EPHA7: variants seen among roughly 807,000 people sequenced by gnomAD.
EPHA7 encodes ephrin type-A receptor 7.
Under a neutral mutation model 112.6 loss-of-function variants are expected in EPHA7, and 25 were observed. That is an observed-to-expected ratio of 0.22 (90% CI 0.16 to 0.31). The LOEUF (loss-of-function observed/expected upper bound fraction) is 0.31. Among genes scored for constraint, EPHA7 ranks in the 10% least tolerant of loss-of-function variants. The pLI, the probability that EPHA7 is intolerant of heterozygous loss-of-function variation, is 1.00. For missense variants in EPHA7, 962 were observed against 1,212.6 expected (o/e 0.79, Z 3.07); for synonymous variants, 437 against 406.5 (o/e 1.07, Z -0.90).
rs944251248 is a variant in EPHA7, at chr6:93,375,562, G to T, written c.833-17151C>A. On this transcript the variant is annotated intron_variant, in intron 3 of 16. Transcript: ENST00000369303. Reference sequence around the variant, plus strand: ...AGGCCTGGGACACAGAAGTTACAGTGAGCCTAGCAGAGAGACCTTGACTCA... The same window carrying T: ...AGGCCTGGGACACAGAAGTTACAGTTAGCCTAGCAGAGAGACCTTGACTCA... 5.3e-5 allele frequency among the ~76,000 whole-genome samples: 8 copies of T among 151,116 alleles called. No individual in the cohort carries two copies. The South Asian group carries it at 6.3e-4, about 12-fold the overall frequency.
At chr6:93,306,449 G>A (rs1483522293) in intron 5 of EPHA7, among the ~76,000 whole-genome samples, 1 of 151,932 alleles carries the variant, frequency 6.6e-6, no homozygotes, top group African/African-American at 2.4e-5. Flanking sequence ...TTTTGAACTA[G>A]CCAATCCCAC....
chr6:93,365,493 C>G (rs1776462958), intron 3 of EPHA7, among the ~76,000 whole-genome samples: 1 of 152,168 alleles, frequency 6.6e-6, no homozygotes, highest in African/African-American at 2.4e-5. Context: ...AGAAATAGTA[C>G]TCCCACTGCT....
At chr6:93,283,447 T>C (rs923766730) in intron 5 of EPHA7, among the ~76,000 whole-genome samples, 13 of 152,038 alleles carry the variant, frequency 8.6e-5, no homozygotes, top group Admixed American at 3.9e-4. Flanking sequence ...TTTTCACTCT[T>C]TGTGATAAAT....
intron 5 of EPHA7, among the ~76,000 whole-genome samples, chr6:93,302,135 T>C (rs1476062712): frequency 6.6e-6 from 1 of 152,138 alleles, no homozygotes; most frequent in Admixed American, 6.6e-5. Context: ...AACTACTTCT[T>C]CACTTCCATA....
chr6:93,269,255 C>A (rs940072717), intron 7 of EPHA7, among the ~76,000 whole-genome samples: 2 of 151,384 alleles, frequency 1.3e-5, no homozygotes, highest in Admixed American at 6.6e-5. Flanking sequence ...ATCTTGTATG[C>A]GTTAAAGAAA....
Position 93,410,202 on chromosome 6 carries a change from A to G in EPHA7, c.832+299T>C. ...GTCTTGCCAGGCTATATGTCCAACTACCCAGACTCCTCTCTAAACTCCATA... is the reference window on the plus strand; with the variant it reads ...GTCTTGCCAGGCTATATGTCCAACTGCCCAGACTCCTCTCTAAACTCCATA... On this transcript the variant is annotated intron_variant, in intron 3 of 16. Transcript: ENST00000369303. This position sits in a 1 kb window ranked among gnomAD's most constrained non-coding sequence, Gnocchi z 4.0. 3.4e-6 allele frequency: 1 copy of G among 294,428 alleles called. No individual in the cohort carries two copies. The highest frequency in any genetic ancestry group is 6.4e-6 in the Non-Finnish European group (1 of 156,288). The allele number at this position is 294,428 out of a possible 1,614,324, so 18.2% of individuals were successfully genotyped here. A position where few individuals can be genotyped will look rare whatever the true frequency, so the allele number is the denominator to read the frequency against.
chr6:93,359,864 GAGAGAGAGAGAGATAGAT>G (rs1474550513), intron 3 of EPHA7, among the ~76,000 whole-genome samples: 13 of 109,898 alleles, frequency 1.2e-4, no homozygotes, highest in Non-Finnish European at 1.8e-4. Flanking sequence ...TAGAGAGAGA[GAGAGAGAGAGAGATAGAT>G]AGATAGATAG....
At chr6:93,356,635 G>GA in intron 5 of EPHA7, 82 bp downstream of exon 5, 1 of 1,292,428 alleles carries the variant, frequency 7.7e-7, no homozygotes, top group Non-Finnish European at 1.1e-6. Flanking sequence ...TCTGTGCAGA[G>GA]AAACTAACTA....
intron 5 of EPHA7, among the ~76,000 whole-genome samples, chr6:93,279,347 T>C (rs2127894155): frequency 6.6e-6 from 1 of 152,304 alleles, no homozygotes; most frequent in South Asian, 2.1e-4. Flanking sequence ...CCATTATACA[T>C]ATGCACCATG....
intron 5 of EPHA7, among the ~76,000 whole-genome samples, chr6:93,332,776 A>G (rs1199552827): frequency 6.6e-6 from 1 of 151,774 alleles, no homozygotes; most frequent in African/African-American, 2.4e-5. Context: ...GCAGATTTAA[A>G]GCAATTAACT....
intron 5 of EPHA7, among the ~76,000 whole-genome samples, chr6:93,332,201 G>A (rs1439956881): frequency 1.3e-5 from 2 of 151,578 alleles, no homozygotes; most frequent in African/African-American, 2.4e-5. Flanking sequence ...GTGTAGTACA[G>A]TGGAGCTCAG....
Position 93,246,885 on chromosome 6 carries a change from G to A in EPHA7, c.2633C>T (p.Ala878Val), listed in dbSNP as rs923098531. The A allele has an allele frequency of 6.8e-6, 11 of 1,613,756 alleles. No individual in the cohort carries two copies. The Admixed American group carries it at 8.3e-5, about 12-fold the overall frequency. Residue 878 changes from alanine to valine, a missense_variant, in exon 15 of 17, where the codon GCT (alanine) becomes GTT (valine). This residue lies in a region of EPHA7 where 746 missense variants were observed against 889.2 expected (regional missense o/e 0.84). Transcript: ENST00000369303. Reference sequence around the variant, plus strand: ...TATCTGTTCAAATTTTGGCCTTTCAGCACGCTCCTTTTGCCAACAATCCAA... The same window carrying A: ...TATCTGTTCAAATTTTGGCCTTTCAACACGCTCCTTTTGCCAACAATCCAA... Reference protein sequence around the residue: ...LMLDCWQKERAERPKFEQIVG... With the variant: ...LMLDCWQKERVERPKFEQIVG...
chr6:93,383,816 G>A (rs540448132), intron 3 of EPHA7, among the ~76,000 whole-genome samples: 21 of 152,172 alleles, frequency 1.4e-4, no homozygotes, highest in African/African-American at 5.1e-4. Flanking sequence ...GCCCACTTCA[G>A]CTTTCATAGT....
At chr6:93,361,738 C>A (rs1295572459) in intron 3 of EPHA7, among the ~76,000 whole-genome samples, 1 of 152,042 alleles carries the variant, frequency 6.6e-6, no homozygotes, top group Admixed American at 6.6e-5. Context: ...CAACAACATT[C>A]TAGGAATTGT....
chr6:93,310,031 T>C (rs1773452073), intron 5 of EPHA7, among the ~76,000 whole-genome samples: 1 of 152,216 alleles, frequency 6.6e-6, no homozygotes, highest in African/African-American at 2.4e-5. Flanking sequence ...TTAATTGCTT[T>C]ATCAGGCATC....
chr6:93,359,922 G>T (rs1376899415), intron 3 of EPHA7, among the ~76,000 whole-genome samples: 6 of 143,024 alleles, frequency 4.2e-5, no homozygotes, highest in Non-Finnish European at 7.8e-5. Context: ...GATAGATAGA[G>T]ATAGACAGAT....
chr6:93,387,626 T>A (rs1371126895), intron 3 of EPHA7, among the ~76,000 whole-genome samples: 1 of 152,088 alleles, frequency 6.6e-6, no homozygotes, highest in Non-Finnish European at 1.5e-5. Context: ...GAGGGTTAAT[T>A]CACTCACAAT....
intron 5 of EPHA7, among the ~76,000 whole-genome samples, chr6:93,349,787 A>G (rs1371379899): frequency 6.6e-6 from 1 of 151,964 alleles, no homozygotes; most frequent in African/African-American, 2.4e-5. Flanking sequence ...TACTTATTAA[A>G]AGACATATAA....
At chr6:93,409,906 CCA>C (rs1491350577) in intron 3 of EPHA7, 5 of 90,162 alleles carry the variant, frequency 5.5e-5, no homozygotes, top group Non-Finnish European at 9.8e-5. Flanking sequence ...GGTACTTAGT[CCA>C]AAAAAAAAAA....
Sources: gnomAD v4.1 joint callset for allele counts (sites outside exome capture counted in the v4.1 genomes callset) on GRCh38, gnomAD v4.1.1 for gene constraint, gnomAD v4.1.1 regional missense constraint, Gnocchi (gnomAD v3.1) non-coding constraint, MANE v1.5 for transcripts, NCBI Gene and HGNC (gene_info 2026-07-23, HGNC 2026-07-21) for gene names.